Variants in RCC1L observed in about 807,000 individuals in gnomAD.
RCC1L encodes RCC1 like.
RCC1L carries 46 observed loss-of-function variants against 58.6 expected under a neutral mutation model. That is an observed-to-expected ratio of 0.79 (90% CI 0.62 to 1.00). The LOEUF is 1.00. Ranked by LOEUF, RCC1L falls within the 50% of genes least tolerant of loss-of-function variation. The probability of loss-of-function intolerance (pLI) is 0.00; values close to 1 mark genes in which losing one functional copy is unlikely to be tolerated. For missense variants in RCC1L, 636 were observed against 623.6 expected (o/e 1.02, Z -0.21); for synonymous variants, 281 against 262.9 (o/e 1.07, Z -0.67).
At chr7:75,032,010 C>T (rs1805318403) in intron 10 of RCC1L, among the ~76,000 whole-genome samples, 1 of 152,210 alleles carries the variant, frequency 6.6e-6, no homozygotes, top group Non-Finnish European at 1.5e-5. Flanking sequence ...AGGTTAGAAA[C>T]CAAAGTGTTA....
Position 75,073,510 on chromosome 7 carries a change from G to C in RCC1L, c.228C>G (p.Ser76=), listed in dbSNP as rs1318023316. ...CGGGCCCGGAGCTGGGCACCACAAA[G>C]GAAGGCACGCCCAGCGCCCCCGAGA... ...FSFSGALGVP[S]FVVPSSGPGP... Residue 76 remains serine (S), a synonymous_variant, in exon 1 of 11, where the codon TCC becomes TCG. Coordinates refer to ENST00000610322, the MANE Select transcript of RCC1L (RefSeq NM_030798.5). The C allele has an allele frequency of 7.0e-7, 1 of 1,434,012 alleles. No individual in the cohort carries two copies. The highest frequency in any genetic ancestry group is 1.5e-5 in the African/African-American group (1 of 66,746). 88.8% of individuals were successfully genotyped at this position (1,434,012 alleles called of 1,614,324 possible).
chr7:75,068,939 G>A (rs1279273530), intron 2 of RCC1L, among the ~76,000 whole-genome samples: 7 of 150,022 alleles, frequency 4.7e-5, no homozygotes, highest in East Asian at 4.1e-4. Flanking sequence ...GTGCGATCTC[G>A]GCTCACTGCA....
At chr7:75,057,772 G>A (rs1044715469) in intron 7 of RCC1L, 156 bp from the exon 8 acceptor site, 9 of 741,882 alleles carry the variant, frequency 1.2e-5, no homozygotes, top group Non-Finnish European at 1.9e-5. Context: ...ACTAGGTGCT[G>A]GGGTAGAATG....
chr7:75,066,554 C>T, intron 3 of RCC1L, 110 bp downstream of exon 3: 1 of 1,447,844 alleles, frequency 6.9e-7, no homozygotes, highest in South Asian at 1.2e-5. Context: ...CCACATTTCA[C>T]TCATTAGATG....
At chr7:75,064,500 G>T (rs587657252) in intron 4 of RCC1L, 82 bp downstream of exon 4, 4 of 1,527,048 alleles carry the variant, frequency 2.6e-6, no homozygotes, top group Admixed American at 1.7e-5. Context: ...TGACCGCCCC[G>T]CGGGTTTACC....
rs192469383 is a variant in RCC1L at position 75,072,315 on chromosome 7, C to T, written c.324+1099G>A. On this transcript the variant is annotated intron_variant, in intron 1 of 10. Transcript: ENST00000610322. ...GTGCTGAAATTACAGGCATGAGCTACCGCACCTGGCCTATATTGTATGCTT... is the reference window on the plus strand; with the variant it reads ...GTGCTGAAATTACAGGCATGAGCTATCGCACCTGGCCTATATTGTATGCTT... Among the ~76,000 whole-genome samples the T allele has an allele frequency of 2.4e-3, 358 of 150,158 alleles. 4 individuals are homozygous for T. The highest frequency in any genetic ancestry group is 8.4e-3 in the African/African-American group (345 of 41,174).
At chr7:75,052,004 C>G (rs1805928373) in intron 10 of RCC1L, among the ~76,000 whole-genome samples, 2 of 152,058 alleles carry the variant, frequency 1.3e-5, no homozygotes, top group African/African-American at 4.8e-5. Flanking sequence ...CCCCAAAAAC[C>G]TCCTTTTTTA....
Position 75,070,632 on chromosome 7 carries a change from A to G in RCC1L, c.454+8T>C, listed in dbSNP as rs782218920. The G allele has an allele frequency of 1.9e-6, 3 of 1,613,658 alleles. No homozygotes were observed. The Admixed American group carries it at 5.0e-5, about 27-fold the overall frequency. The stretch of plus-strand genomic sequence containing the variant: ...CCGGCAAAGAGGAGACAAGGTAGGG[A>G]TGCTCACTTTTATCTTTCCGGCTCC... On this transcript the variant is annotated splice_region_variant and intron_variant, in intron 2 of 10. Transcript: ENST00000610322.
chr7:75,056,688 G>T lies in RCC1L; in HGVS notation c.1058-614C>A, dbSNP rs1446818063. ...AAGTAGTTCGCTCTCCACTCCAGAG[G>T]TTTGCTCTAGGATGACTCAGCTCTG... On this transcript the variant is annotated intron_variant, in intron 8 of 10. Coordinates refer to ENST00000610322, the MANE Select transcript of RCC1L (RefSeq NM_030798.5). The T allele has an allele frequency of 1.4e-5, 22 of 1,535,376 alleles. No individual in the cohort carries two copies. The Middle Eastern group carries it at 6.7e-4, about 46-fold the overall frequency.
chr7:75,038,428 TTG>T (rs1805475090), downstream of RCC1L, among the ~76,000 whole-genome samples: 1 of 151,800 alleles, frequency 6.6e-6, no homozygotes, highest in Non-Finnish European at 1.5e-5. Context: ...ATTTTTGTAT[TTG>T]TGTTTTTATT....
rs1554443139 is a variant in RCC1L, at chr7:75,049,659, C to A, written c.1317+3052G>T. Among the ~76,000 whole-genome samples the A allele has an allele frequency of 2.0e-5, 3 of 147,384 alleles. No individual in the cohort carries two copies. In the South Asian group the frequency reaches 6.3e-4, roughly 31 times the overall value. ...CTCCAGCCTGGGCGACAAAGCAAGA[C>A]CCTGTTTTCAAAAAAAAAAAAAAAT... is the stretch of plus-strand genomic sequence containing the variant. On this transcript the variant is annotated intron_variant, in intron 10 of 10. Transcript: ENST00000610322.
intron 7 of RCC1L, chr7:75,058,000 A>T (rs1806134216): frequency 3.2e-6 from 1 of 314,912 alleles, no homozygotes; most frequent in African/African-American, 2.3e-5. Context: ...TCTATTAAAA[A>T]TACAAAAGTT....
chr7:75,037,918 A>T (rs1805463187), downstream of RCC1L, among the ~76,000 whole-genome samples: 1 of 152,218 alleles, frequency 6.6e-6, no homozygotes, highest in South Asian at 2.1e-4. Flanking sequence ...CTCAGGCTTA[A>T]CCCAGGCTGC....
chr7:75,037,240 C>T (rs988217430), downstream of RCC1L, among the ~76,000 whole-genome samples: 9 of 151,934 alleles, frequency 5.9e-5, no homozygotes, highest in East Asian at 1.9e-4. Flanking sequence ...GCTGGAGTGC[C>T]GTGGTGTGAT....
chr7:75,030,721 T>G lies in RCC1L; in HGVS notation c.1318-2642A>C, dbSNP rs1187858207. Among the ~76,000 whole-genome samples the G allele has an allele frequency of 9.2e-5, 14 of 151,988 alleles. No homozygotes were observed. In the East Asian group the frequency reaches 2.7e-3, roughly 29 times the overall value. On this transcript the variant is annotated intron_variant, in intron 10 of 10. Transcript: ENST00000614461. Reference sequence around the variant, plus strand: ...CAAGGGCCCAGGGTAAAAGCCAACGTGTTATTTTTATCCCTAGCCTCAGAA... The same window carrying G: ...CAAGGGCCCAGGGTAAAAGCCAACGGGTTATTTTTATCCCTAGCCTCAGAA...
chr7:75,041,664 G>T (rs982566938), downstream of RCC1L, among the ~76,000 whole-genome samples: 2 of 151,932 alleles, frequency 1.3e-5, no homozygotes, highest in African/African-American at 2.4e-5. Flanking sequence ...TTCAAGACCA[G>T]CCTGGCCAAC....
intron 10 of RCC1L, among the ~76,000 whole-genome samples, chr7:75,033,319 G>T (rs1805356438): frequency 6.6e-6 from 1 of 152,126 alleles, no homozygotes; most frequent in Non-Finnish European, 1.5e-5. Flanking sequence ...AGACAGAGAA[G>T]CAGGGAGGGA....
intron 1 of RCC1L, among the ~76,000 whole-genome samples, chr7:75,071,507 A>G (rs782520513): frequency 4.6e-5 from 7 of 152,128 alleles, no homozygotes; most frequent in Non-Finnish European, 1.5e-5. Context: ...TTAGCTAGGC[A>G]TGGTGGCGTG....
At chr7:75,056,477 T>C in intron 8 of RCC1L, 1 of 1,459,380 alleles carries the variant, frequency 6.9e-7, no homozygotes, top group Admixed American at 2.3e-5. Flanking sequence ...ACATCAACAA[T>C]GTCTGGCCAG....
Sources: allele counts gnomAD v4.1 joint callset (sites outside exome capture counted in the v4.1 genomes callset), GRCh38; gene constraint gnomAD v4.1.1; transcripts MANE v1.5; gene names NCBI Gene and HGNC (gene_info 2026-07-23, HGNC 2026-07-21).